TMPRSS7: variants seen among roughly 807,000 people sequenced by gnomAD.
TMPRSS7 encodes transmembrane serine protease 7, also known as transmembrane protease serine 7.
Under a neutral mutation model 95.6 loss-of-function variants are expected in TMPRSS7, and 81 were observed. The ratio of observed to expected loss-of-function variants is 0.85; its 90% CI spans 0.71 to 1.02. The LOEUF is 1.02. Among genes scored for constraint, TMPRSS7 ranks in the 50% least tolerant of loss-of-function variants. The pLI, the probability that TMPRSS7 is intolerant of heterozygous loss-of-function variation, is 0.00. For missense variants in TMPRSS7, 945 were observed against 955.2 expected, an observed-to-expected ratio of 0.99 and a Z score of 0.14; for synonymous variants, 364 against 337.8, an observed-to-expected ratio of 1.08 and a Z score of -0.85.
intron 9 of TMPRSS7, among the ~76,000 whole-genome samples, chr3:112,054,710 T>C (rs1576107857): frequency 6.8e-6 from 1 of 148,054 alleles, no homozygotes; most frequent in Middle Eastern, 3.5e-3. Context: ...ACTTAACATA[T>C]TTACTATCTC....
At chr3:112,079,633 T>C (rs540901490) in intron 17 of TMPRSS7, among the ~76,000 whole-genome samples, 5 of 152,282 alleles carry the variant, frequency 3.3e-5, no homozygotes, top group African/African-American at 9.6e-5. Context: ...AGCCAAAAGA[T>C]TGCATACTCC....
intron 10 of TMPRSS7, among the ~76,000 whole-genome samples, chr3:112,060,551 G>T (rs925384168): frequency 6.6e-6 from 1 of 152,216 alleles, no homozygotes; most frequent in Non-Finnish European, 1.5e-5. Flanking sequence ...TCTCCCATTT[G>T]CTTTTGAAAG....
At chr3:112,064,144 T>C (rs554083274) in intron 12 of TMPRSS7, among the ~76,000 whole-genome samples, 35 of 152,298 alleles carry the variant, frequency 2.3e-4, no homozygotes, top group African/African-American at 8.4e-4. Context: ...GGGTGCATAA[T>C]ACTACCACGG....
intron 2 of TMPRSS7, 109 bp downstream of exon 2, chr3:112,038,430 TC>T: frequency 1.6e-6 from 1 of 612,502 alleles, no homozygotes; most frequent in South Asian, 2.0e-5. Context: ...TTTTCCTTTT[TC>T]CAATATGGAT....
chr3:112,035,806 TTAAA>T (rs1448019387), intron 1 of TMPRSS7, among the ~76,000 whole-genome samples: 2 of 152,210 alleles, frequency 1.3e-5, no homozygotes, highest in African/African-American at 4.8e-5. Context: ...AGGGAAACAA[TTAAA>T]TAATGTATTT....
At chr3:112,070,208 T>A (rs1393067220) in intron 13 of TMPRSS7, among the ~76,000 whole-genome samples, 1 of 152,220 alleles carries the variant, frequency 6.6e-6, no homozygotes, top group Non-Finnish European at 1.5e-5. Context: ...TTTGTTGTGA[T>A]TTCTGTTCTT....
rs1053024991 is a variant in TMPRSS7 at position 112,057,138 on chromosome 3, G to A, written c.1310+7G>A. ...GGGAAATTAATGAGCACATGTAAGT[G>A]ATTTTCATATGTTTTCATATGTGAG... is the stretch of plus-strand genomic sequence containing the variant. On this transcript the variant is annotated splice_region_variant and intron_variant, in intron 10 of 17. Transcript: ENST00000452346. 3.1e-6 allele frequency: 5 copies of A among 1,588,240 alleles called. No individual in the cohort carries two copies. In the African/African-American group the frequency reaches 6.7e-5, roughly 21 times the overall value.
At chr3:112,037,627 C>T (rs944868733) in intron 1 of TMPRSS7, among the ~76,000 whole-genome samples, 3 of 152,150 alleles carry the variant, frequency 2.0e-5, no homozygotes, top group Non-Finnish European at 4.4e-5. Flanking sequence ...TACACTACCT[C>T]CCCTTTGAAA....
chr3:112,075,555 T>G (rs2073702085), intron 15 of TMPRSS7, 63 bp downstream of exon 15: 3 of 1,291,962 alleles, frequency 2.3e-6, no homozygotes, highest in Admixed American at 3.0e-5. Flanking sequence ...ATATCTGCCC[T>G]CAAATTGTGG....
intron 7 of TMPRSS7, among the ~76,000 whole-genome samples, chr3:112,049,611 C>T (rs2073320538): frequency 6.6e-6 from 1 of 152,144 alleles, no homozygotes; most frequent in Admixed American, 6.5e-5. Context: ...CAGTGACAGC[C>T]ATCCCAGAGA....
chr3:112,049,080 AAG>A (rs1453485811), intron 7 of TMPRSS7, among the ~76,000 whole-genome samples: 1 of 152,184 alleles, frequency 6.6e-6, no homozygotes, highest in Non-Finnish European at 1.5e-5. Context: ...CTCAGGTGGA[AAG>A]AGAAAGCACC....
At chr3:112,067,650 A>G (rs1004888243) in intron 13 of TMPRSS7, among the ~76,000 whole-genome samples, 1 of 152,106 alleles carries the variant, frequency 6.6e-6, no homozygotes, top group East Asian at 1.9e-4. Context: ...GTCTGTTCAT[A>G]TCCTTTGCCC....
chr3:112,049,917 C>T, exon 8 of TMPRSS7: 1 of 1,568,454 alleles, frequency 6.4e-7, no homozygotes, highest in Non-Finnish European at 8.7e-7. Context: ...ATTTAAGTCT[C>T]CTCATATACG....
chr3:112,056,867 G>T (rs1298674120), intron 9 of TMPRSS7, among the ~76,000 whole-genome samples, 158 bp from the exon 10 acceptor site: 1 of 152,114 alleles, frequency 6.6e-6, no homozygotes, highest in Non-Finnish European at 1.5e-5. Flanking sequence ...TCTTCAGAAC[G>T]CTCTCCTCCT....
intron 13 of TMPRSS7, among the ~76,000 whole-genome samples, chr3:112,072,799 T>C (rs1021888993): frequency 8.5e-5 from 13 of 152,256 alleles, no homozygotes; most frequent in Non-Finnish European, 1.5e-4. Flanking sequence ...CCACATTTGC[T>C]TAATCCAGTC....
chr3:112,072,989 A>G (rs1482928743), intron 13 of TMPRSS7, among the ~76,000 whole-genome samples: 1 of 152,130 alleles, frequency 6.6e-6, no homozygotes, highest in Non-Finnish European at 1.5e-5. Flanking sequence ...AGGAATCACC[A>G]TACCATCTTG....
intron 1 of TMPRSS7, 91 bp from the exon 2 acceptor site, chr3:112,037,981 C>CT: frequency 3.1e-6 from 2 of 641,046 alleles, no homozygotes; most frequent in Non-Finnish European, 5.6e-6. Context: ...ATATTTAGGC[C>CT]TTTTAGTACC....
At chr3:112,039,340 A>T (rs1004836939) in intron 2 of TMPRSS7, among the ~76,000 whole-genome samples, 14 of 152,316 alleles carry the variant, frequency 9.2e-5, no homozygotes, top group African/African-American at 3.4e-4. Flanking sequence ...GAATGATAGG[A>T]GTGATAGGAG....
Position 112,046,733 on chromosome 3 carries a change from G to T in TMPRSS7, c.692-241G>T, listed in dbSNP as rs986556684. ...CAAGGATACAAAAGTAAAGAGAATAGTATAGTGAACTCTCATACACCCTTT... is the reference window on the plus strand; with the variant it reads ...CAAGGATACAAAAGTAAAGAGAATATTATAGTGAACTCTCATACACCCTTT... On this transcript the variant is annotated intron_variant, in intron 5 of 17. Coordinates refer to ENST00000452346, the Ensembl canonical transcript of TMPRSS7. 5.3e-5 allele frequency among the ~76,000 whole-genome samples: 8 copies of T among 152,258 alleles called. No homozygotes were observed. In the South Asian group the frequency reaches 1.4e-3, roughly 28 times the overall value.
Sources: allele counts gnomAD v4.1 joint callset (sites outside exome capture counted in the v4.1 genomes callset), GRCh38; gene constraint gnomAD v4.1.1; transcripts MANE v1.5; gene names NCBI Gene and HGNC (gene_info 2026-07-23, HGNC 2026-07-21).